MYO3B: variants seen among roughly 807,000 people sequenced by gnomAD.
The protein encoded by MYO3B is myosin IIIB.
Under a neutral mutation model 174.6 loss-of-function variants are expected in MYO3B, and 156 were observed. That is an observed-to-expected ratio of 0.89 (90% CI 0.78 to 1.02). MYO3B has a LOEUF of 1.02. Among genes scored for constraint, MYO3B ranks in the 50% least tolerant of loss-of-function variants. The probability of loss-of-function intolerance (pLI) is 0.00; values close to 1 mark genes in which losing one functional copy is unlikely to be tolerated. For synonymous variants in MYO3B, 563 were observed against 569.1 expected (o/e 0.99, Z 0.15); for missense variants, 1,632 against 1,639.4 (o/e 1.00, Z 0.08).
intron 32 of MYO3B, among the ~76,000 whole-genome samples, chr2:170,555,173 TTACA>T (rs1362861573): frequency 1.3e-5 from 2 of 152,246 alleles, no homozygotes; most frequent in Non-Finnish European, 2.9e-5. Context: ...TACAAAATTC[TTACA>T]TACCCTTTCT....
intron 9 of MYO3B, among the ~76,000 whole-genome samples, chr2:170,369,970 C>T (rs963074740): frequency 1.3e-5 from 2 of 151,092 alleles, no homozygotes; most frequent in Non-Finnish European, 3.0e-5. Context: ...TCCTACCCTA[C>T]CTCATCCTCT....
At chr2:170,223,146 T>C (rs969784448) in intron 6 of MYO3B, among the ~76,000 whole-genome samples, 11 of 152,216 alleles carry the variant, frequency 7.2e-5, no homozygotes, top group Admixed American at 4.6e-4. Context: ...ATTATTATTA[T>C]CTCCTGAGAT....
chr2:170,619,580 AACCACGTCTCTC>A (rs1438419982), intron 32 of MYO3B, among the ~76,000 whole-genome samples: 1 of 151,888 alleles, frequency 6.6e-6, no homozygotes, highest in Non-Finnish European at 1.5e-5. Flanking sequence ...GCTCACTCCC[AACCACGTCTCTC>A]ACCACATGGG....
intron 22 of MYO3B, among the ~76,000 whole-genome samples, chr2:170,442,534 A>G (rs1261192417): frequency 1.4e-5 from 2 of 144,006 alleles, no homozygotes; most frequent in African/African-American, 5.2e-5. Flanking sequence ...TTGAAGTTCT[A>G]GGATACATGT....
chr2:170,610,164 A>G (rs1212258450), intron 32 of MYO3B, among the ~76,000 whole-genome samples: 1 of 152,086 alleles, frequency 6.6e-6, no homozygotes, highest in Non-Finnish European at 1.5e-5. Flanking sequence ...GTGAAACCCC[A>G]TCTCTACTAA....
At chr2:170,534,771 A>G (rs1223107057) in intron 30 of MYO3B, among the ~76,000 whole-genome samples, 2 of 152,206 alleles carry the variant, frequency 1.3e-5, no homozygotes, top group African/African-American at 4.8e-5. Context: ...TAACAACTCT[A>G]GTTCAAGTGT....
intron 23 of MYO3B, among the ~76,000 whole-genome samples, chr2:170,452,770 T>C (rs1370283472): frequency 6.6e-6 from 1 of 152,010 alleles, no homozygotes; most frequent in Non-Finnish European, 1.5e-5. Context: ...CAAAGATAAT[T>C]GAGAGAAATA....
At chr2:170,564,606 A>C (rs954200590) in intron 32 of MYO3B, among the ~76,000 whole-genome samples, 5 of 152,254 alleles carry the variant, frequency 3.3e-5, no homozygotes, top group African/African-American at 1.2e-4. Flanking sequence ...CTTTGTTAGC[A>C]TGCTGATCGA....
At chr2:170,354,396 G>T (rs1002266651) in intron 8 of MYO3B, among the ~76,000 whole-genome samples, 4 of 152,118 alleles carry the variant, frequency 2.6e-5, no homozygotes, top group Non-Finnish European at 1.5e-5. Context: ...AGTATATTTT[G>T]TGACAGTCAT....
intron 23 of MYO3B, among the ~76,000 whole-genome samples, chr2:170,462,652 C>T (rs1020428489): frequency 1.3e-5 from 2 of 152,264 alleles, no homozygotes; most frequent in African/African-American, 4.8e-5. Context: ...GAAGCTGCCA[C>T]GGCAAGGCCA....
At chr2:170,401,763 A>G (rs2094477753) in intron 18 of MYO3B, 72 bp downstream of exon 18, 2 of 1,396,436 alleles carry the variant, frequency 1.4e-6, no homozygotes, top group African/African-American at 2.9e-5. Flanking sequence ...AGTTTGCAAA[A>G]GGAAGCATTT....
chr2:170,220,820 G>A (rs755292465), intron 6 of MYO3B, among the ~76,000 whole-genome samples: 22 of 149,498 alleles, frequency 1.5e-4, no homozygotes, highest in Non-Finnish European at 3.1e-4. Context: ...GCACGTTGCA[G>A]GAGTGAATGT....
intron 32 of MYO3B, among the ~76,000 whole-genome samples, chr2:170,580,410 G>C (rs1240677967): frequency 1.3e-5 from 2 of 152,200 alleles, no homozygotes; most frequent in Non-Finnish European, 2.9e-5. Flanking sequence ...GGTCGAAGTG[G>C]GCAGATTGCC....
At chr2:170,589,847 G>T (rs188048160) in intron 32 of MYO3B, among the ~76,000 whole-genome samples, 62 of 152,330 alleles carry the variant, frequency 4.1e-4, no homozygotes, top group African/African-American at 1.4e-3. Flanking sequence ...GACGCACCCA[G>T]TGCAACTTCC....
intron 15 of MYO3B, 41 bp downstream of exon 15, chr2:170,391,659 T>A: frequency 8.7e-7 from 1 of 1,151,652 alleles, no homozygotes; most frequent in Non-Finnish European, 1.3e-6. Flanking sequence ...TTGATGAATG[T>A]ACGATTAGCA....
In MYO3B at chr2:170,264,027, C is replaced by T. The variant is rs376105105; in HGVS notation, c.749+27891C>T. ...ACTTGAGATTAGAGAGTGGTGATGA[C>T]TTTTAACAAGCATACTGCCTTCAAG... On this transcript the variant is annotated intron_variant, in intron 7 of 34. Coordinates refer to ENST00000408978, the MANE Select transcript of MYO3B (RefSeq NM_138995.5). 1.8e-4 allele frequency among the ~76,000 whole-genome samples: 27 copies of T among 152,288 alleles called. No homozygotes were observed. In the East Asian group the frequency reaches 5.0e-3, roughly 28 times the overall value.
At chr2:170,263,724 G>A (rs950257274) in intron 7 of MYO3B, among the ~76,000 whole-genome samples, 2 of 151,970 alleles carry the variant, frequency 1.3e-5, no homozygotes, top group East Asian at 1.9e-4. Context: ...GTTTTACACC[G>A]AGACATTCCA....
intron 7 of MYO3B, among the ~76,000 whole-genome samples, chr2:170,270,414 T>G (rs1387675716): frequency 6.6e-6 from 1 of 152,138 alleles, no homozygotes; most frequent in Non-Finnish European, 1.5e-5. Context: ...AATGATAGGG[T>G]TTAGAACAAT....
chr2:170,492,033 A>G (rs1686517207), intron 25 of MYO3B, among the ~76,000 whole-genome samples: 1 of 151,280 alleles, frequency 6.6e-6, no homozygotes, highest in Non-Finnish European at 1.5e-5. Flanking sequence ...AGCCTGGGTG[A>G]CAGAGATGAG....
Sources: allele counts gnomAD v4.1 joint callset (sites outside exome capture counted in the v4.1 genomes callset), GRCh38; gene constraint gnomAD v4.1.1; transcripts MANE v1.5; gene names NCBI Gene and HGNC (gene_info 2026-07-23, HGNC 2026-07-21).